Variants in GRIK5 observed in about 807,000 individuals in gnomAD.
GRIK5 encodes glutamate receptor ionotropic, kainate 5.
A neutral mutation model predicts 97.4 loss-of-function variants in GRIK5; 43 were observed. The ratio of observed to expected loss-of-function variants is 0.44; its 90% CI spans 0.35 to 0.57. The LOEUF (loss-of-function observed/expected upper bound fraction) is 0.57, where lower values mean the gene tolerates loss of function less well. Ranked by LOEUF, GRIK5 falls within the 20% of genes least tolerant of loss-of-function variation. The pLI is 0.01. For synonymous variants in GRIK5, 580 were observed against 583.5 expected (o/e 0.99, Z 0.09); for missense variants, 1,015 against 1,382.0 (o/e 0.73, Z 4.21).
At chr19:42,020,385 C>T (rs575676947) in intron 15 of GRIK5, among the ~76,000 whole-genome samples, 251 of 152,282 alleles carry the variant, frequency 1.6e-3, no homozygotes, top group Non-Finnish European at 2.9e-3. Flanking sequence ...TCTGCCTCTC[C>T]AGGACAGGAA....
At chr19:42,049,691 T>G (rs2076087600) in intron 11 of GRIK5, among the ~76,000 whole-genome samples, 1 of 152,170 alleles carries the variant, frequency 6.6e-6, no homozygotes, top group Non-Finnish European at 1.5e-5. Context: ...TGTGTTCAGT[T>G]TTTGAAACTT....
At chr19:42,031,433 G>A (rs1228504214) in intron 12 of GRIK5, among the ~76,000 whole-genome samples, 2 of 152,146 alleles carry the variant, frequency 1.3e-5, no homozygotes, top group African/African-American at 2.4e-5. Context: ...GTGGGATTCT[G>A]CCAGCTACCA....
chr19:42,065,445 G>A lies in GRIK5; in HGVS notation c.80-58C>T. The A allele has an allele frequency of 6.6e-7, 1 of 1,510,960 alleles. No homozygotes were observed. Among genetic ancestry groups the A allele is most frequent in the Non-Finnish European group, 8.9e-7 (1 of 1,121,168 alleles). The allele number at this position is 1,510,960 out of a possible 1,614,324, so 93.6% of individuals were successfully genotyped here. On this transcript the variant is annotated intron_variant, in intron 2 of 19. Transcript: ENST00000593562. This position sits in a 1 kb window ranked among gnomAD's most constrained non-coding sequence, Gnocchi z 5.8. ...CTGAGTCCTGAGGAAGGAGGGGGCT[G>A]TGGTCTTAGACTCCAGGGCTCTAGG...
rs142026837 is a variant in GRIK5 at position 42,040,762 on chromosome 19, G to A, written c.1473+1790C>T. Among the ~76,000 whole-genome samples the A allele has an allele frequency of 6.0e-3, 917 of 152,266 alleles. 11 individuals carry two copies. Among genetic ancestry groups the A allele is most frequent in the African/African-American group, 0.017 (715 of 41,546 alleles). ...CCAGCTACTCGGAAGGCCGAGGCAG[G>A]AGAATCGCTTGAACCCGGGAGGTGG... On this transcript the variant is annotated intron_variant, in intron 12 of 19. Transcript: ENST00000593562.
rs973587348 is a variant in GRIK5 at position 42,040,474 on chromosome 19, A to G, written c.1473+2078T>C. 2.6e-5 allele frequency among the ~76,000 whole-genome samples: 4 copies of G among 152,336 alleles called. No homozygotes were observed. The East Asian group carries it at 5.8e-4, about 22-fold the overall frequency. ...AGGCTGTGGAAACAGGTCACGAGGA[A>G]GCCTGTGCCCTCAGGTGGGCATAGA... On this transcript the variant is annotated intron_variant, in intron 12 of 19. Transcript: ENST00000593562.
chr19:42,066,239 C>T (rs1453439450), intron 1 of GRIK5, among the ~76,000 whole-genome samples: 3 of 152,098 alleles, frequency 2.0e-5, no homozygotes, highest in Non-Finnish European at 2.9e-5. Context: ...CAACAGAAAC[C>T]GGCTGGAGAG....
At chr19:42,060,071 T>C (rs1335079009) in intron 5 of GRIK5, among the ~76,000 whole-genome samples, 1 of 151,948 alleles carries the variant, frequency 6.6e-6, no homozygotes, top group East Asian at 1.9e-4. Flanking sequence ...TCAGATGTGC[T>C]CCTCCTCTGC....
chr19:42,065,668 G>A lies in GRIK5; in HGVS notation c.79+24C>T. ...GGAGCCCCAGGGCCTGAGGATGCAG[G>A]GGCAGGGTGCGGGAGGGCCTCACCC... On this transcript the variant is annotated intron_variant, in intron 2 of 19. Coordinates refer to ENST00000593562, the MANE Select transcript of GRIK5 (RefSeq NM_002088.5). This position sits in a 1 kb window ranked among gnomAD's most constrained non-coding sequence, Gnocchi z 5.8. 6.5e-7 allele frequency: 1 copy of A among 1,546,382 alleles called. No homozygotes were observed.
chr19:42,043,247 C>G (rs879365938), intron 11 of GRIK5, among the ~76,000 whole-genome samples: 2 of 152,156 alleles, frequency 1.3e-5, no homozygotes, highest in Non-Finnish European at 2.9e-5. Context: ...ATTTTCTATT[C>G]TGCTATACTT....
intron 15 of GRIK5, among the ~76,000 whole-genome samples, chr19:42,013,701 C>T (rs75684493): frequency 2.0e-5 from 3 of 152,014 alleles, no homozygotes; most frequent in Admixed American, 1.3e-4. Context: ...TGAGCCACCG[C>T]GCCCGGCCTA....
chr19:42,002,520 G>C lies in GRIK5; in HGVS notation c.2514+812C>G. ...TCCTTGGGCCAAGTGCAGAACACTGGCAGGCAGCTGGATGCAGAGCTGGGG... is the reference window on the plus strand; with the variant it reads ...TCCTTGGGCCAAGTGCAGAACACTGCCAGGCAGCTGGATGCAGAGCTGGGG... On this transcript the variant is annotated intron_variant, in intron 19 of 19. Transcript: ENST00000593562. This position sits in a 1 kb window ranked among gnomAD's most constrained non-coding sequence, Gnocchi z 5.2. 1.4e-6 allele frequency: 1 copy of C among 706,520 alleles called. No individual in the cohort carries two copies. The allele number at this position is 706,520 out of a possible 1,614,324, so 43.8% of individuals were successfully genotyped here.
chr19:42,020,747 G>A (rs527315668), intron 15 of GRIK5, among the ~76,000 whole-genome samples: 2 of 152,282 alleles, frequency 1.3e-5, no homozygotes, highest in South Asian at 2.1e-4. Context: ...CCATGGCAAC[G>A]TCAGGAAGTT....
chr19:42,046,736 T>C (rs958001238), intron 11 of GRIK5, among the ~76,000 whole-genome samples: 50 of 152,132 alleles, frequency 3.3e-4, no homozygotes, highest in African/African-American at 1.1e-3. Flanking sequence ...TGCTTGTATA[T>C]GCATAGACAT....
intron 15 of GRIK5, among the ~76,000 whole-genome samples, chr19:42,018,351 A>C (rs1344831830): frequency 6.7e-6 from 1 of 148,910 alleles, no homozygotes; most frequent in Admixed American, 6.7e-5. Flanking sequence ...AAAAGAAAAG[A>C]AATAAAGAAA....
In GRIK5 at chr19:42,065,663, T is replaced by C; in HGVS notation, c.79+29A>G. ...CCAGAGGAGCCCCAGGGCCTGAGGA[T>C]GCAGGGGCAGGGTGCGGGAGGGCCT... On this transcript the variant is annotated intron_variant, in intron 2 of 19. Transcript: ENST00000593562. This position sits in a 1 kb window ranked among gnomAD's most constrained non-coding sequence, Gnocchi z 5.8. 6.5e-7 allele frequency: 1 copy of C among 1,533,608 alleles called. No individual in the cohort carries two copies. The highest frequency in any genetic ancestry group is 2.0e-5 in the Admixed American group (1 of 51,142).
At chr19:42,060,308 G>A (rs76481719) in intron 5 of GRIK5, among the ~76,000 whole-genome samples, 1 of 152,140 alleles carries the variant, frequency 6.6e-6, no homozygotes, top group African/African-American at 2.4e-5. Flanking sequence ...GGTATTGGGG[G>A]TCAGCTGTGA....
chr19:42,065,803 G>T lies in GRIK5; in HGVS notation c.-33C>A. On this transcript the variant is annotated 5_prime_UTR_variant, in exon 2 of 20. Transcript: ENST00000593562. This position sits in a 1 kb window ranked among gnomAD's most constrained non-coding sequence, Gnocchi z 5.8. The stretch of plus-strand genomic sequence containing the variant: ...CCCTCCTCATGGGGACGCAGCTGCC[G>T]CGGCCCCCACTCGCCACCTGCAGGG... The T allele has an allele frequency of 6.5e-7, 1 of 1,530,314 alleles. No homozygotes were observed. The highest frequency in any genetic ancestry group is 8.8e-7 in the Non-Finnish European group (1 of 1,133,614). 94.8% of individuals were successfully genotyped at this position (1,530,314 alleles called of 1,614,324 possible). A position where few individuals can be genotyped will look rare whatever the true frequency, so the allele number is the denominator to read the frequency against.
chr19:42,064,348 A>C (rs2076299520), intron 3 of GRIK5, among the ~76,000 whole-genome samples: 1 of 152,098 alleles, frequency 6.6e-6, no homozygotes, highest in South Asian at 2.1e-4. Context: ...TGTCACACTT[A>C]GCTCTGAAGT....
intron 12 of GRIK5, among the ~76,000 whole-genome samples, chr19:42,039,723 T>C (rs1303610874): frequency 6.6e-6 from 1 of 152,158 alleles, no homozygotes; most frequent in Non-Finnish European, 1.5e-5. Context: ...AAAAATAGTA[T>C]AATCCCAGCA....
Sources: allele counts gnomAD v4.1 joint callset (sites outside exome capture counted in the v4.1 genomes callset), GRCh38; gene constraint gnomAD v4.1.1; non-coding constraint Gnocchi (gnomAD v3.1); transcripts MANE v1.5; gene names NCBI Gene and HGNC (gene_info 2026-07-23, HGNC 2026-07-21).